The following F8 variants were observed in gnomAD, a reference collection of about 807,000 sequenced individuals.
The protein encoded by F8 is antihemophilic factor.
A neutral mutation model predicts 140.6 loss-of-function variants in F8; 12 were observed. The ratio of observed to expected loss-of-function variants is 0.09; its 90% CI spans 0.05 to 0.14. F8 has a LOEUF of 0.14. F8 is among the 10% of genes least tolerant of loss of function. The pLI is 1.00. For synonymous variants in F8, 585 were observed against 614.6 expected, an observed-to-expected ratio of 0.95 and a Z score of 0.71; for missense variants, 1,354 against 1,720.7, an observed-to-expected ratio of 0.79 and a Z score of 3.77.
At chrX:154,908,120 A>G (rs1466531840) in intron 14 of F8, among the ~76,000 whole-genome samples, 1 of 111,980 alleles carries the variant, frequency 8.9e-6, no homozygotes, top group African/African-American at 3.2e-5. Context: ...TTGTAATGCA[A>G]TGTGAATGGA....
chrX:155,021,203 T>C (rs1286518776), intron 1 of F8, among the ~76,000 whole-genome samples: 1 of 110,618 alleles, frequency 9.0e-6, no homozygotes, highest in African/African-American at 3.3e-5. Context: ...AAACAAATAA[T>C]GTCCAAGAAA....
intron 12 of F8, 102 bp downstream of exon 12, chrX:154,953,790 A>G (rs1000549845): frequency 7.1e-6 from 7 of 980,743 alleles, no homozygotes; most frequent in Middle Eastern, 2.6e-4. Flanking sequence ...TAATTGTTAA[A>G]TTTATGTGCA....
intron 12 of F8, among the ~76,000 whole-genome samples, chrX:154,948,371 T>C (rs5987070): frequency 0.01 from 1,123 of 111,849 alleles, 15 homozygotes; most frequent in African/African-American, 0.035. Context: ...TTGTAAATTA[T>C]GGAAATGTGC....
In F8 at chrX:154,966,066, T is replaced by G. The variant is rs782730476; in HGVS notation, c.1347A>C (p.Ala449=). 4.1e-6 allele frequency: 5 copies of G among 1,210,626 alleles called. No individual in the cohort carries two copies. The South Asian group carries it at 7.0e-5, about 17-fold the overall frequency. ...GRKYKKVRFM[A]YTDETFKTRE... is the part of the protein sequence containing the mutation. ...GAGTCTTAAAGGTTTCATCTGTGTA[T>G]GCCATAAATCGGACTTTTTTGTACT... Residue 449 remains alanine (A), a synonymous_variant, in exon 9 of 26, where the codon GCA becomes GCC. Transcript: ENST00000360256.
chrX:154,878,428 C>CAAAAAAAA (rs57418004), intron 22 of F8, among the ~76,000 whole-genome samples: 1 of 26,731 alleles, frequency 3.7e-5, no homozygotes, highest in Non-Finnish European at 6.8e-5. Context: ...TTTTCATGAC[C>CAAAAAAAA]AAAAAAAAAA....
chrX:154,923,423 G>A (rs1472572965), intron 14 of F8, among the ~76,000 whole-genome samples: 4 of 111,847 alleles, frequency 3.6e-5, no homozygotes, highest in East Asian at 5.6e-4. Flanking sequence ...AAATCTCATC[G>A]TGAATTCCCA....
intron 4 of F8, 45 bp downstream of exon 4, chrX:154,992,891 C>T: frequency 1.8e-6 from 2 of 1,121,356 alleles, no homozygotes; most frequent in Middle Eastern, 2.9e-4. Flanking sequence ...GTTGTTTGTA[C>T]TTCTCTGCTT....
rs781885017 is a variant in F8 at position 154,868,449 on chromosome X, C to T, written c.6430-5222G>A. Among the ~76,000 whole-genome samples the T allele has an allele frequency of 1.3e-4, 15 of 111,809 alleles. No individual in the cohort carries two copies. The South Asian group carries it at 1.9e-3, about 14-fold the overall frequency. ...TGTGAGTCAATTAAACCTCTTAAAG[C>T]TTCATAAGTGAAGGAGAAATGAAAT... On this transcript the variant is annotated intron_variant, in intron 22 of 25. Coordinates refer to ENST00000360256, the MANE Select transcript of F8 (RefSeq NM_000132.4).
Position 154,904,506 on chromosome X carries a change from C to G in F8, c.5605G>C (p.Gly1869Arg). ...DVDLEKDVHSGLIGPLLVCHT... is the reference protein window; with the variant it reads ...DVDLEKDVHSRLIGPLLVCHT... ...CAGACCAGAAGGGGTCCAATCAGGC[C>G]TGAGTGCACATCTTTTTCCTAGGGA... Residue 1869 changes from glycine to arginine, a missense_variant, in exon 17 of 26, where the codon GGC (glycine) becomes CGC (arginine). This residue lies in a region of F8 where 316 missense variants were observed against 485.4 expected (regional missense o/e 0.65). Coordinates refer to ENST00000360256, the MANE Select transcript of F8 (RefSeq NM_000132.4). 2 of 1,208,686 alleles carry G rather than the reference C, an allele frequency of 1.7e-6. No individual in the cohort carries two copies. The highest frequency in any genetic ancestry group is 3.5e-5 in the African/African-American group (2 of 57,608).
At chrX:155,017,417 T>A (rs1202519680) in intron 1 of F8, among the ~76,000 whole-genome samples, 1 of 112,214 alleles carries the variant, frequency 8.9e-6, no homozygotes. Context: ...TACACAGCAA[T>A]AGGAAATTAA....
chrX:154,843,563 T>C (rs1364082961), intron 25 of F8, among the ~76,000 whole-genome samples: 1 of 112,631 alleles, frequency 8.9e-6, no homozygotes, highest in African/African-American at 3.2e-5. Context: ...GAGCATTTTT[T>C]CATGTATCTG....
intron 25 of F8, among the ~76,000 whole-genome samples, chrX:154,860,193 G>T (rs1395900807): frequency 9.0e-6 from 1 of 111,455 alleles, no homozygotes; most frequent in Non-Finnish European, 1.9e-5. Context: ...TGGGAATCAA[G>T]GTGCTGATGA....
intron 21 of F8, among the ~76,000 whole-genome samples, chrX:154,896,848 C>T (rs782463881): frequency 8.9e-6 from 1 of 112,291 alleles, no homozygotes; most frequent in African/African-American, 3.2e-5. Flanking sequence ...TATAAGGTTG[C>T]TTTGCTTTTC....
At chrX:154,919,136 T>A (rs2073115692) in intron 14 of F8, 1 of 111,839 alleles carries the variant, frequency 8.9e-6, no homozygotes, top group African/African-American at 3.3e-5. Flanking sequence ...ATTTTCATGA[T>A]ACTTGTGTTA....
At chrX:154,995,406 T>C (rs978058169) in intron 3 of F8, among the ~76,000 whole-genome samples, 5 of 111,942 alleles carry the variant, frequency 4.5e-5, no homozygotes, top group Non-Finnish European at 9.4e-5. Context: ...ATTGCGTGAT[T>C]TTTATTTCAG....
chrX:154,847,058 G>T (rs1485123205), intron 25 of F8, among the ~76,000 whole-genome samples: 2 of 111,038 alleles, frequency 1.8e-5, no homozygotes, highest in African/African-American at 6.6e-5. Context: ...AGTTTGGCTG[G>T]ATATGAAATT....
chrX:154,987,567 A>T (rs2073566214), intron 4 of F8, among the ~76,000 whole-genome samples: 1 of 112,991 alleles, frequency 8.9e-6, no homozygotes, highest in Admixed American at 9.3e-5. Context: ...TAAAGAAAAA[A>T]ATTAAAAACA....
At chrX:154,915,888 C>A (rs1484592704) in intron 14 of F8, among the ~76,000 whole-genome samples, 3 of 111,840 alleles carry the variant, frequency 2.7e-5, no homozygotes, top group African/African-American at 9.7e-5. Context: ...TGTTCCAGAT[C>A]TTAGAGGAAA....
intron 22 of F8, among the ~76,000 whole-genome samples, chrX:154,870,481 C>T (rs1439910955): frequency 1.5e-4 from 16 of 109,932 alleles, no homozygotes; most frequent in Admixed American, 2.9e-4. Flanking sequence ...AAAAGGCCTT[C>T]GATAAAATTC....
Sources: allele counts gnomAD v4.1 joint callset (sites outside exome capture counted in the v4.1 genomes callset), GRCh38; gene constraint gnomAD v4.1.1; regional missense constraint gnomAD v4.1.1; transcripts MANE v1.5; gene names NCBI Gene and HGNC (gene_info 2026-07-23, HGNC 2026-07-21).